Variants in AIG1 observed in about 807,000 individuals in gnomAD.
AIG1 encodes androgen-induced gene 1 protein.
Under a neutral mutation model 31.4 loss-of-function variants are expected in AIG1, and 23 were observed. The ratio of observed to expected loss-of-function variants is 0.73; its 90% CI spans 0.53 to 1.04. AIG1 has a LOEUF of 1.04. AIG1 is among the 50% of genes least tolerant of loss of function. The pLI, the probability that AIG1 is intolerant of heterozygous loss-of-function variation, is 0.00. For synonymous variants in AIG1, 100 were observed against 110.5 expected, an observed-to-expected ratio of 0.90 and a Z score of 0.60; for missense variants, 274 against 295.0, an observed-to-expected ratio of 0.93 and a Z score of 0.52.
intron 3 of AIG1, among the ~76,000 whole-genome samples, chr6:143,192,828 A>T (rs990713990): frequency 2.0e-5 from 3 of 152,358 alleles, no homozygotes; most frequent in Admixed American, 2.0e-4. Context: ...TGAACATTCA[A>T]GTCCAAACAA....
At chr6:143,063,122 G>T (rs1216196417) in intron 1 of AIG1, among the ~76,000 whole-genome samples, 3 of 152,182 alleles carry the variant, frequency 2.0e-5, no homozygotes, top group Non-Finnish European at 4.4e-5. Context: ...CAGAAGAAAT[G>T]ATATACCTCT....
intron 3 of AIG1, among the ~76,000 whole-genome samples, chr6:143,241,902 A>G (rs926027718): frequency 6.6e-6 from 1 of 152,242 alleles, no homozygotes; most frequent in Non-Finnish European, 1.5e-5. Context: ...GGCTGTGTGT[A>G]TAAGGCATAT....
At chr6:143,104,401 T>C (rs916903090) in intron 1 of AIG1, among the ~76,000 whole-genome samples, 2 of 152,226 alleles carry the variant, frequency 1.3e-5, no homozygotes, top group African/African-American at 4.8e-5. Context: ...AAGGGATTCC[T>C]TTCTCCATGG....
At chr6:143,092,509 AT>A (rs1305507788) in intron 1 of AIG1, among the ~76,000 whole-genome samples, 1 of 152,164 alleles carries the variant, frequency 6.6e-6, no homozygotes, top group African/African-American at 2.4e-5. Flanking sequence ...GCATGAAAAC[AT>A]TAATTTTCCT....
intron 4 of AIG1, among the ~76,000 whole-genome samples, chr6:143,307,254 T>C (rs1380004670): frequency 1.3e-5 from 2 of 152,244 alleles, no homozygotes; most frequent in Admixed American, 6.5e-5. Flanking sequence ...GAAACTGTGT[T>C]CCTTTGGAGG....
At chr6:143,189,477 G>T in intron 3 of AIG1, 1 of 984,788 alleles carries the variant, frequency 1.0e-6, no homozygotes, top group South Asian at 4.7e-5. Flanking sequence ...TTGAAATCAA[G>T]CTTGATGATA....
At chr6:143,248,266 A>G (rs1583619520) in intron 3 of AIG1, among the ~76,000 whole-genome samples, 1 of 152,310 alleles carries the variant, frequency 6.6e-6, no homozygotes, top group South Asian at 2.1e-4. Flanking sequence ...CATGTGCCCT[A>G]AGTATGGAAA....
chr6:143,282,926 T>A (rs949418919), intron 3 of AIG1, among the ~76,000 whole-genome samples: 1 of 152,226 alleles, frequency 6.6e-6, no homozygotes, highest in Non-Finnish European at 1.5e-5. Context: ...TGCCTTTTCC[T>A]TGAATACACA....
intron 1 of AIG1, among the ~76,000 whole-genome samples, chr6:143,074,870 C>T (rs569206211): frequency 2.0e-5 from 3 of 152,202 alleles, no homozygotes; most frequent in African/African-American, 7.2e-5. Context: ...ATATGTTGGC[C>T]TCATTCCTCT....
chr6:143,163,303 T>A (rs924760290), intron 2 of AIG1, among the ~76,000 whole-genome samples: 5 of 152,234 alleles, frequency 3.3e-5, no homozygotes, highest in Non-Finnish European at 7.3e-5. Context: ...CTGTCACTAA[T>A]ATCTTTAGGT....
intron 1 of AIG1, among the ~76,000 whole-genome samples, chr6:143,062,554 A>G (rs1198715511): frequency 6.6e-6 from 1 of 152,172 alleles, no homozygotes; most frequent in Non-Finnish European, 1.5e-5. Context: ...TTGCCTTGAC[A>G]GAAAGTCTTA....
At chr6:143,233,706 T>C (rs539121440) in intron 3 of AIG1, among the ~76,000 whole-genome samples, 2 of 152,370 alleles carry the variant, frequency 1.3e-5, no homozygotes, top group South Asian at 2.1e-4. Flanking sequence ...GTTTGAATAG[T>C]TGGCCACGTT....
intron 1 of AIG1, among the ~76,000 whole-genome samples, chr6:143,095,804 G>A (rs114192306): frequency 6.6e-6 from 1 of 150,992 alleles, no homozygotes; most frequent in African/African-American, 2.4e-5. Context: ...ATTCAACAAT[G>A]AAGTAGAAAT....
intron 1 of AIG1, among the ~76,000 whole-genome samples, chr6:143,123,058 C>A (rs1364137651): frequency 6.6e-6 from 1 of 152,168 alleles, no homozygotes; most frequent in Non-Finnish European, 1.5e-5. Flanking sequence ...GTTGAAAAAA[C>A]AATCCTGTAA....
chr6:143,096,174 G>C (rs1350340630), intron 1 of AIG1, among the ~76,000 whole-genome samples: 1 of 152,012 alleles, frequency 6.6e-6, no homozygotes, highest in Non-Finnish European at 1.5e-5. Context: ...CCAAAGTGCT[G>C]GGATTACAGG....
intron 4 of AIG1, among the ~76,000 whole-genome samples, chr6:143,315,400 G>A (rs986316203): frequency 6.6e-6 from 1 of 151,996 alleles, no homozygotes; most frequent in Non-Finnish European, 1.5e-5. Context: ...TAGGAGGACC[G>A]GCACTACCTG....
rs558568876 is a variant in AIG1 at position 143,126,151 on chromosome 6, C to T, written c.142-10684C>T. ...TCCTCTTTGGCTCAGTCAGGCTAACCCGCTCCAAGGGTAGGAGAGGATAAT... is the reference window on the plus strand; with the variant it reads ...TCCTCTTTGGCTCAGTCAGGCTAACTCGCTCCAAGGGTAGGAGAGGATAAT... On this transcript the variant is annotated intron_variant, in intron 1 of 5. Coordinates refer to ENST00000357847, the MANE Select transcript of AIG1 (RefSeq NM_016108.4). The T allele has an allele frequency of 3.3e-5, 5 of 152,288 alleles. No individual in the cohort carries two copies. In the East Asian group the frequency reaches 7.7e-4, roughly 24 times the overall value. The allele number at this position is 152,288 out of a possible 1,614,324, so 9.4% of individuals were successfully genotyped here. A position where few individuals can be genotyped will look rare whatever the true frequency, so the allele number is the denominator to read the frequency against.
At chr6:143,152,471 CTT>C (rs1371135897) in intron 2 of AIG1, among the ~76,000 whole-genome samples, 1 of 151,768 alleles carries the variant, frequency 6.6e-6, no homozygotes, top group Non-Finnish European at 1.5e-5. Context: ...CCAAAAGAAA[CTT>C]AAATCAATCC....
intron 5 of AIG1, chr6:143,335,134 C>T (rs1266563799): frequency 7.1e-7 from 1 of 1,408,124 alleles, no homozygotes; most frequent in Non-Finnish European, 9.3e-7. Flanking sequence ...GTATCATCCT[C>T]ATTTACAAGA....
Sources: allele counts gnomAD v4.1 joint callset (sites outside exome capture counted in the v4.1 genomes callset), GRCh38; gene constraint gnomAD v4.1.1; transcripts MANE v1.5; gene names NCBI Gene and HGNC (gene_info 2026-07-23, HGNC 2026-07-21).